UGT1A9: variants seen among roughly 807,000 people sequenced by gnomAD.
UGT1A9 encodes UDP-glucuronosyltransferase 1A9.
In UGT1A9, 35 loss-of-function variants were observed where a neutral mutation model predicts 45.0. The ratio of observed to expected loss-of-function variants is 0.78; its 90% CI spans 0.59 to 1.03. The LOEUF (loss-of-function observed/expected upper bound fraction) is 1.03, where lower values mean the gene tolerates loss of function less well. Ranked by LOEUF, UGT1A9 falls within the 50% of genes least tolerant of loss-of-function variation. The pLI, the probability that UGT1A9 is intolerant of heterozygous loss-of-function variation, is 0.00. For synonymous variants in UGT1A9, 278 were observed against 250.6 expected (o/e 1.11, Z -1.03); for missense variants, 687 against 666.6 (o/e 1.03, Z -0.34).
At chr2:233,761,227 G>GAT in intron 1 of UGT1A9, 1 of 1,613,278 alleles carries the variant, frequency 6.2e-7, no homozygotes, top group Non-Finnish European at 8.5e-7. Flanking sequence ...ACTAGCCCCA[G>GAT]ATATATGCTG....
At chr2:233,725,607 T>C (rs2077462497) in intron 1 of UGT1A9, among the ~76,000 whole-genome samples, 1 of 152,174 alleles carries the variant, frequency 6.6e-6, no homozygotes, top group African/African-American at 2.4e-5. Context: ...TAGTTTTTTC[T>C]TGCTAAGTCT....
At chr2:233,747,972 G>T in intron 1 of UGT1A9, 1 of 1,613,464 alleles carries the variant, frequency 6.2e-7, no homozygotes, top group South Asian at 1.1e-5. Flanking sequence ...CCATGCATCT[G>T]TGTGGCTGTT....
rs1375960685 is a variant in UGT1A9 at position 233,768,542 on chromosome 2, T to C, written c.1295+103T>C. On this transcript the variant is annotated intron_variant, in intron 4 of 4. Coordinates refer to ENST00000354728, the MANE Select transcript of UGT1A9 (RefSeq NM_021027.3). ...TAGCATTTAATAGCGTTGTTTCAAA[T>C]ATAAAAACAAATACATAAAAATCTG... 2.1e-6 allele frequency: 3 copies of C among 1,457,940 alleles called. No individual in the cohort carries two copies. In the African/African-American group the frequency reaches 4.3e-5, roughly 21 times the overall value. The allele number at this position is 1,457,940 out of a possible 1,614,324, so 90.3% of individuals were successfully genotyped here.
intron 1 of UGT1A9, among the ~76,000 whole-genome samples, chr2:233,751,321 C>T (rs551289281): frequency 6.6e-6 from 1 of 152,014 alleles, no homozygotes; most frequent in East Asian, 1.9e-4. Flanking sequence ...TTTCTGTACC[C>T]CCATTGTGTC....
At chr2:233,760,900 A>G in intron 1 of UGT1A9, 1 of 1,613,770 alleles carries the variant, frequency 6.2e-7, no homozygotes, top group Non-Finnish European at 8.5e-7. Context: ...AGATCACATG[A>G]CCTTCCTGCA....
chr2:233,688,542 C>T lies in UGT1A9; in HGVS notation c.855+15753C>T, dbSNP rs561616482. ...CCTAGAGTGGGTTTGACTTACATCA[C>T]ATGGTCTCTAATCCCTCAGCAAACA... is the stretch of plus-strand genomic sequence containing the variant. On this transcript the variant is annotated intron_variant, in intron 1 of 4. Coordinates refer to ENST00000354728, the MANE Select transcript of UGT1A9 (RefSeq NM_021027.3). Among the ~76,000 whole-genome samples, 94 of 152,312 alleles carry T rather than the reference C, an allele frequency of 6.2e-4. 1 individual carries two copies. The highest frequency in any genetic ancestry group is 1.3e-3 in the Non-Finnish European group (86 of 68,032).
intron 1 of UGT1A9, among the ~76,000 whole-genome samples, chr2:233,674,817 C>T (rs1479968897): frequency 2.6e-5 from 4 of 152,142 alleles, no homozygotes; most frequent in East Asian, 1.9e-4. Context: ...GAAGGCTTTC[C>T]GGCAAAGAGC....
chr2:233,720,860 T>C (rs2076898580), intron 1 of UGT1A9, among the ~76,000 whole-genome samples: 2 of 148,966 alleles, frequency 1.3e-5, no homozygotes, highest in African/African-American at 5.0e-5. Flanking sequence ...CATGTGCCAC[T>C]GCTCCTGGCA....
intron 1 of UGT1A9, among the ~76,000 whole-genome samples, chr2:233,706,893 G>A (rs2075929501): frequency 6.6e-6 from 1 of 152,182 alleles, no homozygotes; most frequent in South Asian, 2.1e-4. Context: ...CTGGTTGGAG[G>A]CATTTTACAA....
At chr2:233,746,793 T>G (rs1030985091) in intron 1 of UGT1A9, among the ~76,000 whole-genome samples, 4 of 151,826 alleles carry the variant, frequency 2.6e-5, no homozygotes, top group Non-Finnish European at 4.4e-5. Context: ...TTGTAATTCA[T>G]GAGCGTGAAT....
rs879478240 is a variant in UGT1A9, at chr2:233,725,179, G to GAGAGGC, written c.856-41819_856-41814dup. On this transcript the variant is annotated intron_variant, in intron 1 of 4. Coordinates refer to ENST00000354728, the MANE Select transcript of UGT1A9 (RefSeq NM_021027.3). ...CTCTGCATGAGAGGGAGACCGTGGGGAGAGGCAGAGGCAGAGGCAGAGGCA... is the reference window on the plus strand; with the variant it reads ...CTCTGCATGAGAGGGAGACCGTGGGGAGAGGCAGAGGCAGAGGCAGAGGCAGAGGCA... Among the ~76,000 whole-genome samples the GAGAGGC allele has an allele frequency of 9.9e-4, 67 of 67,614 alleles. 14 individuals carry two copies. The highest frequency in any genetic ancestry group is 3.6e-3 in the East Asian group (12 of 3,306). 44.4% of individuals were successfully genotyped at this position (67,614 alleles called of 152,430 possible). A position where few individuals can be genotyped will look rare whatever the true frequency, so the allele number is the denominator to read the frequency against.
At chr2:233,707,601 G>A (rs953899116) in intron 1 of UGT1A9, among the ~76,000 whole-genome samples, 4 of 148,144 alleles carry the variant, frequency 2.7e-5, no homozygotes, top group Admixed American at 2.0e-4. Context: ...TTTACAAGTT[G>A]TAGTTTGTGG....
chr2:233,721,547 C>A, intron 1 of UGT1A9: 1 of 164,174 alleles, frequency 6.1e-6, no homozygotes. Flanking sequence ...TAAATTTTTT[C>A]TTCAGTTTCT....
intron 1 of UGT1A9, chr2:233,682,379 G>T: frequency 6.2e-7 from 1 of 1,613,868 alleles, no homozygotes; most frequent in Non-Finnish European, 8.5e-7. Flanking sequence ...AGTGTTTCTC[G>T]ATCCTTTTGA....
At chr2:233,691,527 A>G (rs2075047023) in intron 1 of UGT1A9, 2 of 985,494 alleles carry the variant, frequency 2.0e-6, no homozygotes, top group Admixed American at 6.1e-5. Context: ...GTGCATGACT[A>G]GCTCTGGGCA....
At position 233,705,625 on chromosome 2, in the gene UGT1A9, A is replaced by G. The variant is rs2075861511; in HGVS notation, c.855+32836A>G. ...TCTGAAGAGAGAAGAAACTGAGTTG[A>G]CAGTTCTAGGAAGTTGAAGGTCTTC... On this transcript the variant is annotated intron_variant, in intron 1 of 4. Transcript: ENST00000354728. 1.3e-5 allele frequency among the ~76,000 whole-genome samples: 2 copies of G among 152,220 alleles called. 1 individual carries two copies. The highest frequency in any genetic ancestry group is 4.8e-5 in the African/African-American group (2 of 41,448).
At chr2:233,736,939 G>A (rs2078828567) in intron 1 of UGT1A9, among the ~76,000 whole-genome samples, 1 of 152,164 alleles carries the variant, frequency 6.6e-6, no homozygotes. Context: ...CCACCTATAT[G>A]AGGTGTCTGT....
At chr2:233,688,622 G>C (rs2074906157) in intron 1 of UGT1A9, among the ~76,000 whole-genome samples, 1 of 152,166 alleles carries the variant, frequency 6.6e-6, no homozygotes, top group South Asian at 2.1e-4. Context: ...GCAAACATGA[G>C]TTCGTCTTGT....
chr2:233,698,798 C>T (rs572322118), intron 1 of UGT1A9, among the ~76,000 whole-genome samples: 1 of 152,238 alleles, frequency 6.6e-6, no homozygotes, highest in South Asian at 2.1e-4. Flanking sequence ...AACCTCTGGG[C>T]TCCCAGCCTC....
Sources: allele counts gnomAD v4.1 joint callset (sites outside exome capture counted in the v4.1 genomes callset), GRCh38; gene constraint gnomAD v4.1.1; transcripts MANE v1.5; gene names NCBI Gene and HGNC (gene_info 2026-07-23, HGNC 2026-07-21).